Variants in HLA-DOB observed in about 807,000 individuals in gnomAD.
HLA-DOB encodes major histocompatibility complex, class II, DO beta.
In HLA-DOB, 25 loss-of-function variants were observed where a neutral mutation model predicts 27.7. That is an observed-to-expected ratio of 0.90 (90% CI 0.66 to 1.26). The LOEUF is 1.26. HLA-DOB is among the 50% of genes most tolerant of loss of function. The probability of loss-of-function intolerance (pLI) is 0.00; values close to 1 mark genes in which losing one functional copy is unlikely to be tolerated. For synonymous variants in HLA-DOB, 137 were observed against 125.6 expected (o/e 1.09, Z -0.61); for missense variants, 306 against 324.9 (o/e 0.94, Z 0.45).
rs1768047872 is a variant in HLA-DOB, at chr6:32,816,990, G to A, written c.-39C>T. ...AAAAAATGAGATAGTAAAATCGTCA[G>A]CCTCTTCAGAATGAGCTCATAAAAT... On this transcript the variant is annotated 5_prime_UTR_variant, in exon 1 of 6. Coordinates refer to ENST00000438763, the MANE Select transcript of HLA-DOB (RefSeq NM_002120.4). 12 of 1,459,652 alleles carry A rather than the reference G, an allele frequency of 8.2e-6. No individual in the cohort carries two copies. Among genetic ancestry groups the A allele is most frequent in the Non-Finnish European group, 1.2e-5 (12 of 1,041,184 alleles). The allele number at this position is 1,459,652 out of a possible 1,614,324, so 90.4% of individuals were successfully genotyped here.
rs757319685 is a variant in HLA-DOB, at chr6:32,813,713, G to A, written c.754+10C>T. The stretch of plus-strand genomic sequence containing the variant: ...GACAGGTGGCAGGGCACTCCTCACA[G>A]GCTCATTACCTTTCTGAGCCCTTAG... On this transcript the variant is annotated intron_variant, in intron 4 of 5. Coordinates refer to ENST00000438763, the MANE Select transcript of HLA-DOB (RefSeq NM_002120.4). 3.9e-6 allele frequency: 6 copies of A among 1,522,140 alleles called. No individual in the cohort carries two copies. In the South Asian group the frequency reaches 7.2e-5, roughly 18 times the overall value. The allele number at this position is 1,522,140 out of a possible 1,614,324, so 94.3% of individuals were successfully genotyped here.
chr6:32,814,540 C>A lies in HLA-DOB; in HGVS notation c.423G>T (p.Leu141=). The A allele has an allele frequency of 6.2e-7, 1 of 1,613,002 alleles. No homozygotes were observed. The highest frequency in any genetic ancestry group is 8.5e-7 in the Non-Finnish European group (1 of 1,179,982). Residue 141 remains leucine, a synonymous_variant, in exon 3 of 6, where the codon CTG becomes CTT. Transcript: ENST00000438763. ...GATAGAAGCCTGTCACAGAGCAGTG[C>A]AGCAGATTATGCTGGTGCAGGAGTG... ...RTPLLHQHNL[L]HCSVTGFYPG...
intron 5 of HLA-DOB, 90 bp from the exon 6 acceptor site, chr6:32,813,341 G>A: frequency 6.3e-7 from 1 of 1,585,818 alleles, no homozygotes; most frequent in Non-Finnish European, 8.7e-7. Flanking sequence ...CATCCAGACA[G>A]CAGCAACCTT....
At chr6:32,815,428 C>G in intron 1 of HLA-DOB, 115 bp from the exon 2 acceptor site, 1 of 962,124 alleles carries the variant, frequency 1.0e-6, no homozygotes, top group Non-Finnish European at 1.6e-6. Flanking sequence ...TCAGTATGCT[C>G]AAAAAGCACA....
intron 3 of HLA-DOB, 110 bp downstream of exon 3, chr6:32,814,210 A>C: frequency 1.8e-6 from 2 of 1,097,036 alleles, no homozygotes; most frequent in South Asian, 1.5e-5. Context: ...AGATCAAGGG[A>C]AAGAATAATT....
chr6:32,814,567 G>A lies in HLA-DOB; in HGVS notation c.396C>T (p.Thr132=), dbSNP rs1333707147. ...QPEVTVYPER[T]PLLHQHNLLH... is the part of the protein sequence containing the mutation. ...GCAGATTATGCTGGTGCAGGAGTGG[G>A]GTCCTCTCTGGGTACACTGTCACCT... is the stretch of plus-strand genomic sequence containing the variant. Residue 132 remains threonine, a synonymous_variant, in exon 3 of 6, where the codon ACC becomes ACT. Coordinates refer to ENST00000438763, the MANE Select transcript of HLA-DOB (RefSeq NM_002120.4). The A allele has an allele frequency of 3.7e-6, 6 of 1,612,944 alleles. No homozygotes were observed. Among genetic ancestry groups the A allele is most frequent in the South Asian group, 1.1e-5 (1 of 91,076 alleles).
intron 2 of HLA-DOB, 104 bp downstream of exon 2, chr6:32,814,940 C>A: frequency 7.7e-7 from 1 of 1,298,066 alleles, no homozygotes; most frequent in Non-Finnish European, 1.1e-6. Context: ...ACACAGACAA[C>A]CATTTATCCT....
In HLA-DOB at chr6:32,816,825, A is replaced by G. The variant is rs770163710; in HGVS notation, c.91+36T>C. 3.2e-6 allele frequency: 5 copies of G among 1,549,930 alleles called. No homozygotes were observed. The Admixed American group carries it at 8.4e-5, about 26-fold the overall frequency. On this transcript the variant is annotated intron_variant, in intron 1 of 5. Transcript: ENST00000438763. The stretch of plus-strand genomic sequence containing the variant: ...ATCACTCCCCCATGCCAATTCTTGC[A>G]TACACACTGGAAAAAAACAATTGCT...
Position 32,813,429 on chromosome 6 carries a change from A to G in HLA-DOB, c.786+11T>C. 1 of 1,612,888 alleles carries G rather than the reference A, an allele frequency of 6.2e-7. No individual in the cohort carries two copies. Among genetic ancestry groups the G allele is most frequent in the Non-Finnish European group, 8.5e-7 (1 of 1,179,762 alleles). On this transcript the variant is annotated intron_variant, in intron 5 of 5. Transcript: ENST00000438763. ...ATCTGCCACTCAAAGACAAGGAAAAAGAGACATTACCTCATTACCAGACAT... is the reference window on the plus strand; with the variant it reads ...ATCTGCCACTCAAAGACAAGGAAAAGGAGACATTACCTCATTACCAGACAT...
At position 32,816,894 on chromosome 6, in the gene HLA-DOB, C is replaced by A; in HGVS notation, c.58G>T (p.Asp20Tyr). 1.2e-6 allele frequency: 2 copies of A among 1,612,960 alleles called. No homozygotes were observed. The highest frequency in any genetic ancestry group is 1.7e-4 in the Middle Eastern group (1 of 6,060). ...TCTGTGCCTTGAGTCATGGAGGAAT[C>A]CAGTCGGGTCAGATTCACTAGCAGA... Reference protein sequence around the residue: ...VALLVNLTRLDSSMTQGTDSP... With the variant: ...VALLVNLTRLYSSMTQGTDSP... The change falls in exon 1 of 6, where the codon GAT (aspartate) becomes TAT (tyrosine). Residue 20 changes from aspartate (D) to tyrosine (Y), a missense_variant. Asp to Tyr is a radical substitution (Grantham distance 160). Coordinates refer to ENST00000438763, the MANE Select transcript of HLA-DOB (RefSeq NM_002120.4).
intron 3 of HLA-DOB, 67 bp downstream of exon 3, chr6:32,814,253 A>C (rs5875416): frequency 0.18 from 258,170 of 1,424,084 alleles, 25,283 homozygotes; most frequent in Admixed American, 0.31. Context: ...CAGAAGTGAC[A>C]CAGGCTCTGT....
chr6:32,814,674 A>G (rs1156514789), intron 2 of HLA-DOB, 73 bp from the exon 3 acceptor site: 8 of 1,323,918 alleles, frequency 6.0e-6, no homozygotes, highest in Non-Finnish European at 8.5e-6. Context: ...TTTAGGGACT[A>G]TCACTATGTC....
At chr6:32,814,232 C>T in intron 3 of HLA-DOB, 88 bp downstream of exon 3, 4 of 1,274,646 alleles carry the variant, frequency 3.1e-6, no homozygotes, top group Non-Finnish European at 4.5e-6. Context: ...ATGTTGTGAC[C>T]AAGATAAACG....
intron 3 of HLA-DOB, 23 bp downstream of exon 3, chr6:32,814,297 G>C: frequency 6.2e-7 from 1 of 1,609,840 alleles, no homozygotes. Flanking sequence ...CAGGCCCAGA[G>C]AGTACTAGAA....
At chr6:32,816,809 C>A in intron 1 of HLA-DOB, 52 bp downstream of exon 1, 1 of 1,417,224 alleles carries the variant, frequency 7.1e-7, no homozygotes, top group South Asian at 1.2e-5. Flanking sequence ...CATCACTCCC[C>A]CATGCCAATT....
intron 2 of HLA-DOB, 108 bp from the exon 3 acceptor site, chr6:32,814,709 G>A (rs1767945797): frequency 9.3e-7 from 1 of 1,070,860 alleles, no homozygotes; most frequent in Non-Finnish European, 1.4e-6. Context: ...GATCACCCAA[G>A]TGAACACAAA....
chr6:32,813,684 C>A, intron 4 of HLA-DOB, 39 bp downstream of exon 4: 1 of 1,360,372 alleles, frequency 7.4e-7, no homozygotes, highest in African/African-American at 1.4e-5. Context: ...TGGGGAAGGT[C>A]TGGGACAGGT....
At chr6:32,813,289 C>T (rs780105469) in intron 5 of HLA-DOB, 38 bp from the exon 6 acceptor site, 20 of 1,611,204 alleles carry the variant, frequency 1.2e-5, no homozygotes, top group Non-Finnish European at 1.6e-5. Context: ...GAGGCAGCCT[C>T]ACCACCCCCC....
Position 32,813,087 on chromosome 6 carries a change from G to T in HLA-DOB, c.*129C>A. The T allele has an allele frequency of 1.2e-6, 1 of 862,676 alleles. No homozygotes were observed. The highest frequency in any genetic ancestry group is 2.0e-6 in the Non-Finnish European group (1 of 506,654). 53.4% of individuals were successfully genotyped at this position (862,676 alleles called of 1,614,324 possible). A position where few individuals can be genotyped will look rare whatever the true frequency, so the allele number is the denominator to read the frequency against. On this transcript the variant is annotated 3_prime_UTR_variant, in exon 6 of 6. Coordinates refer to ENST00000438763, the MANE Select transcript of HLA-DOB (RefSeq NM_002120.4). Reference sequence around the variant, plus strand: ...ACACAGAGCTCCAGAATCAGTTCGGGCTCCTCCAAGGATCAGGGAAGAGAG... The same window carrying T: ...ACACAGAGCTCCAGAATCAGTTCGGTCTCCTCCAAGGATCAGGGAAGAGAG...
Sources: gnomAD v4.1 joint callset for allele counts on GRCh38, gnomAD v4.1.1 for gene constraint, MANE v1.5 for transcripts, NCBI Gene and HGNC (gene_info 2026-07-23, HGNC 2026-07-21) for gene names.